The following GINS4 variants were observed in gnomAD, a reference collection of about 807,000 sequenced individuals.
GINS4 encodes GINS complex subunit 4.
In GINS4, 20 loss-of-function variants were observed where a neutral mutation model predicts 31.1. The ratio of observed to expected loss-of-function variants is 0.64; its 90% CI spans 0.45 to 0.93. GINS4 has a LOEUF of 0.93. GINS4 is among the 40% of genes least tolerant of loss of function. The pLI is 0.00. For missense variants in GINS4, 245 were observed against 273.9 expected (o/e 0.89, Z 0.75); for synonymous variants, 85 against 97.9 (o/e 0.87, Z 0.78).
At chr8:41,537,035 G>A in intron 3 of GINS4, 145 bp from the exon 4 acceptor site, 1 of 607,194 alleles carries the variant, frequency 1.6e-6, no homozygotes. Context: ...AATGACTATT[G>A]TTTGTACTTT....
chr8:41,540,605 T>C (rs1247033949), intron 6 of GINS4, among the ~76,000 whole-genome samples: 1 of 152,176 alleles, frequency 6.6e-6, no homozygotes, highest in East Asian at 1.9e-4. Context: ...AAGGGAGGTA[T>C]AGGCAGAGCC....
chr8:41,529,962 AGT>A, intron 1 of GINS4: 3 of 478,936 alleles, frequency 6.3e-6, no homozygotes, highest in South Asian at 2.6e-5. Flanking sequence ...GGTGGACAGA[AGT>A]AAGGGGGAGG....
intron 4 of GINS4, among the ~76,000 whole-genome samples, chr8:41,539,331 A>AAAC (rs1806795206): frequency 6.7e-6 from 1 of 149,172 alleles, no homozygotes; most frequent in African/African-American, 2.5e-5. Context: ...AAAAAAAAAA[A>AAAC]AAAAAAAAAA....
At chr8:41,540,414 G>A (rs535005880) in intron 6 of GINS4, 211 of 214,254 alleles carry the variant, frequency 9.8e-4, no homozygotes, top group African/African-American at 4.2e-3. Flanking sequence ...GGCTCGCCTA[G>A]CTGGAGGGGA....
rs200780477 is a variant in GINS4, at chr8:41,531,284, TAATAA to T, written c.96+995_96+999del. Among the ~76,000 whole-genome samples the T allele has an allele frequency of 2.8e-3, 421 of 152,170 alleles. 6 individuals are homozygous for T. The East Asian group carries it at 0.033, about 12-fold the overall frequency. ...AGAGTGAAACTCCGTCTCAAAAAAATAATAAAATAAAATTGAGATGATAATAGTGT... is the reference window on the plus strand; with the variant it reads ...AGAGTGAAACTCCGTCTCAAAAAAATAATAAAATTGAGATGATAATAGTGT... On this transcript the variant is annotated intron_variant, in intron 2 of 7. Transcript: ENST00000276533.
At chr8:41,536,296 G>A (rs1806739842) in intron 2 of GINS4, 64 bp from the exon 3 acceptor site, 1 of 964,590 alleles carries the variant, frequency 1.0e-6, no homozygotes, top group Non-Finnish European at 1.7e-6. Context: ...GACTTGGGCT[G>A]ACTCACTGGG....
chr8:41,536,600 T>C lies in GINS4; in HGVS notation c.183+154T>C, dbSNP rs867227105. The C allele has an allele frequency of 8.3e-6, 5 of 605,472 alleles. 1 individual carries two copies. In the Middle Eastern group the frequency reaches 1.4e-3, roughly 166 times the overall value. The allele number at this position is 605,472 out of a possible 1,614,324, so 37.5% of individuals were successfully genotyped here. The stretch of plus-strand genomic sequence containing the variant: ...ACAACATTGAATTAGTTATCTATGT[T>C]TATCAATCTTGAGAGTGCCTGTAAA... On this transcript the variant is annotated intron_variant, in intron 3 of 7. Coordinates refer to ENST00000276533, the MANE Select transcript of GINS4 (RefSeq NM_032336.3).
chr8:41,540,092 CA>C (rs1392551004), intron 6 of GINS4, 88 bp downstream of exon 6: 17 of 943,186 alleles, frequency 1.8e-5, no homozygotes, highest in Non-Finnish European at 2.7e-5. Flanking sequence ...TACCCAAATA[CA>C]AAAAAGTAAG....
At chr8:41,536,245 G>A (rs1806738645) in intron 2 of GINS4, 115 bp from the exon 3 acceptor site, 1 of 738,496 alleles carries the variant, frequency 1.4e-6, no homozygotes, top group East Asian at 2.5e-5. Flanking sequence ...CAGTTGGTGG[G>A]CAGACAGTTT....
At position 41,529,358 on chromosome 8, in the gene GINS4, G is replaced by A. The variant is rs1477670679; in HGVS notation, c.-58G>A. The stretch of plus-strand genomic sequence containing the variant: ...CCACGAACGCCCCGTCCTTACCGCC[G>A]GCTGCTGTGGAGTGCCTCGCTGTCT... On this transcript the variant is annotated 5_prime_UTR_variant, in exon 1 of 8. Transcript: ENST00000276533. The A allele has an allele frequency of 6.5e-6, 1 of 153,078 alleles. No individual in the cohort carries two copies. Among genetic ancestry groups the A allele is most frequent in the Non-Finnish European group, 1.5e-5 (1 of 68,782 alleles). The allele number at this position is 153,078 out of a possible 1,614,324, so 9.5% of individuals were successfully genotyped here.
At chr8:41,529,473 G>C (rs1474344223) in intron 1 of GINS4, 77 bp downstream of exon 1, 1 of 152,398 alleles carries the variant, frequency 6.6e-6, no homozygotes, top group Non-Finnish European at 1.5e-5. Context: ...GGAGGGGGAT[G>C]TTCGCAGTTT....
chr8:41,529,914 G>T, intron 1 of GINS4: 1 of 300,420 alleles, frequency 3.3e-6, no homozygotes, highest in East Asian at 7.1e-5. Flanking sequence ...TCAAAGAAAT[G>T]AATAGTGATT....
At chr8:41,533,406 G>C (rs1219693626) in intron 2 of GINS4, among the ~76,000 whole-genome samples, 5 of 152,196 alleles carry the variant, frequency 3.3e-5, no homozygotes, top group African/African-American at 1.2e-4. Flanking sequence ...GTCCTTGAAA[G>C]GCAGCTAGAG....
At chr8:41,534,760 T>A (rs1806711293) in intron 2 of GINS4, among the ~76,000 whole-genome samples, 1 of 149,330 alleles carries the variant, frequency 6.7e-6, no homozygotes, top group Non-Finnish European at 1.5e-5. Context: ...TGAGATGGAG[T>A]CTTGCTCTGT....
Position 41,542,237 on chromosome 8 carries a change from G to T in GINS4, c.*150G>T, listed in dbSNP as rs1048710498. On this transcript the variant is annotated 3_prime_UTR_variant, in exon 8 of 8. Coordinates refer to ENST00000276533, the MANE Select transcript of GINS4 (RefSeq NM_032336.3). The stretch of plus-strand genomic sequence containing the variant: ...CTTTACTAAAAATACAAAATAATTA[G>T]CCGGGTGTTGGTGGTGTGCACCTGT... 9.3e-6 allele frequency: 6 copies of T among 643,240 alleles called. No individual in the cohort carries two copies. In the African/African-American group the frequency reaches 1.1e-4, roughly 12 times the overall value. 39.8% of individuals were successfully genotyped at this position (643,240 alleles called of 1,614,324 possible). A position where few individuals can be genotyped will look rare whatever the true frequency, so the allele number is the denominator to read the frequency against.
chr8:41,530,043 C>G (rs542440680), intron 1 of GINS4, 141 bp from the exon 2 acceptor site: 9 of 580,448 alleles, frequency 1.6e-5, no homozygotes, highest in East Asian at 1.2e-4. Context: ...ACTAGAGTCC[C>G]TGCGTTCTCT....
chr8:41,533,357 G>T (rs939373591), intron 2 of GINS4, among the ~76,000 whole-genome samples: 1 of 152,216 alleles, frequency 6.6e-6, no homozygotes, highest in Non-Finnish European at 1.5e-5. Context: ...GACAGCTGGA[G>T]CCCCAGGCTG....
rs1177063589 is a variant in GINS4 at position 41,542,429 on chromosome 8, A to G, written c.*342A>G. 2 of 318,108 alleles carry G rather than the reference A, an allele frequency of 6.3e-6. No homozygotes were observed. Among genetic ancestry groups the G allele is most frequent in the Non-Finnish European group, 1.2e-5 (2 of 165,372 alleles). 19.7% of individuals were successfully genotyped at this position (318,108 alleles called of 1,614,324 possible). ...AAAAAAACAAACTAGGCATAAACTC[A>G]TGAGGTCAGGAGATCAAGACCATCC... On this transcript the variant is annotated 3_prime_UTR_variant, in exon 8 of 8. Coordinates refer to ENST00000276533, the MANE Select transcript of GINS4 (RefSeq NM_032336.3).
rs754264550 is a variant in GINS4, at chr8:41,536,421, G to A, written c.158G>A (p.Cys53Tyr). Residue 53 changes from cysteine (C) to tyrosine (Y), a missense_variant, in exon 3 of 8, where the codon TGT becomes TAT. Transcript: ENST00000276533. ...GAGAGCAAGCCTGAGATTGTAGAAT[G>A]TGTCATGGAACAGCTGGAGCACATG... is the stretch of plus-strand genomic sequence containing the variant. ...LLESKPEIVE[C>Y]VMEQLEHMEE... 2 of 1,609,968 alleles carry A rather than the reference G, an allele frequency of 1.2e-6. No homozygotes were observed. The highest frequency in any genetic ancestry group is 1.7e-6 in the Non-Finnish European group (2 of 1,176,228).
Sources: allele counts gnomAD v4.1 joint callset (sites outside exome capture counted in the v4.1 genomes callset), GRCh38; gene constraint gnomAD v4.1.1; transcripts MANE v1.5; gene names NCBI Gene and HGNC (gene_info 2026-07-23, HGNC 2026-07-21).